USP49: variants seen among roughly 807,000 people sequenced by gnomAD.
USP49 encodes the protein ubiquitin carboxyl-terminal hydrolase 49.
In USP49, 24 loss-of-function variants were observed where a neutral mutation model predicts 58.6. The ratio of observed to expected loss-of-function variants is 0.41; its 90% CI spans 0.30 to 0.58. The LOEUF (loss-of-function observed/expected upper bound fraction) is 0.58, where lower values mean the gene tolerates loss of function less well. USP49 is among the 20% of genes least tolerant of loss of function. USP49 has a pLI of 0.30. For synonymous variants in USP49, 408 were observed against 365.1 expected, an observed-to-expected ratio of 1.12 and a Z score of -1.34; for missense variants, 703 against 866.1, an observed-to-expected ratio of 0.81 and a Z score of 2.36.
intron 3 of USP49, among the ~76,000 whole-genome samples, chr6:41,867,328 AAG>A (rs1774335544): frequency 6.6e-6 from 1 of 152,238 alleles, no homozygotes; most frequent in Non-Finnish European, 1.5e-5. Context: ...AACAGGATGA[AAG>A]AGCAATTTCC....
intron 2 of USP49, among the ~76,000 whole-genome samples, chr6:41,887,676 C>A (rs1180392425): frequency 6.6e-6 from 1 of 152,216 alleles, no homozygotes; most frequent in South Asian, 2.1e-4. Context: ...TAACCAACAT[C>A]TGCCCCCAAT....
intron 3 of USP49, among the ~76,000 whole-genome samples, chr6:41,860,480 A>G (rs1337727462): frequency 6.6e-6 from 1 of 152,096 alleles, no homozygotes; most frequent in Non-Finnish European, 1.5e-5. Flanking sequence ...ATGCTTGAAA[A>G]TTATTGTAGT....
chr6:41,891,847 C>T lies in USP49; in HGVS notation c.-156G>A, dbSNP rs1362591433. ...GGAGTTGCAGGATAAACTAGAGGTC[C>T]TTTCAAGGTCTCTTCCCATCCAAAG... On this transcript the variant is annotated 5_prime_UTR_variant, in exon 2 of 8. Coordinates refer to ENST00000682992, the MANE Select transcript of USP49 (RefSeq NM_001286554.2). 1 of 152,136 alleles carries T rather than the reference C, an allele frequency of 6.6e-6. No individual in the cohort carries two copies. Among genetic ancestry groups the T allele is most frequent in the Admixed American group, 6.5e-5 (1 of 15,268 alleles). The allele number at this position is 152,136 out of a possible 1,614,324, so 9.4% of individuals were successfully genotyped here.
chr6:41,812,464 C>T (rs547541564), intron 3 of USP49, among the ~76,000 whole-genome samples: 1 of 151,334 alleles, frequency 6.6e-6, no homozygotes, highest in Admixed American at 6.6e-5. Flanking sequence ...GAGGCCGAGA[C>T]GGGCGGATCA....
chr6:41,865,700 G>C (rs1203435174), intron 3 of USP49, among the ~76,000 whole-genome samples: 1 of 151,590 alleles, frequency 6.6e-6, no homozygotes, highest in East Asian at 1.9e-4. Context: ...ATGCAGTGAT[G>C]TGATTATAGC....
intron 3 of USP49, among the ~76,000 whole-genome samples, chr6:41,859,705 A>G (rs528090468): frequency 6.6e-6 from 1 of 152,346 alleles, no homozygotes; most frequent in South Asian, 2.1e-4. Flanking sequence ...TTCTTTTTAC[A>G]TACAGAGGTG....
chr6:41,866,067 G>A lies in USP49; in HGVS notation c.-29+5497C>T, dbSNP rs552250036. 9.3e-5 allele frequency among the ~76,000 whole-genome samples: 14 copies of A among 151,206 alleles called. No individual in the cohort carries two copies. In the South Asian group the frequency reaches 1.3e-3, roughly 14 times the overall value. ...CTCCCAAGTAGCTGGGACTACAGGCGCCCACCACCACGTCCCACCAATTTT... is the reference window on the plus strand; with the variant it reads ...CTCCCAAGTAGCTGGGACTACAGGCACCCACCACCACGTCCCACCAATTTT... On this transcript the variant is annotated intron_variant, in intron 3 of 7. Coordinates refer to ENST00000682992, the MANE Select transcript of USP49 (RefSeq NM_001286554.2).
At chr6:41,802,448 A>ATTTTTTTTTTTTTTT (rs1363216201) in intron 5 of USP49, among the ~76,000 whole-genome samples, 3 of 53,336 alleles carry the variant, frequency 5.6e-5, no homozygotes, top group African/African-American at 7.4e-5. Context: ...TTATTTATTT[A>ATTTTTTTTTTTTTTT]TTTATTTATT....
intron 3 of USP49, among the ~76,000 whole-genome samples, chr6:41,860,549 C>T (rs1774202162): frequency 6.6e-6 from 1 of 152,000 alleles, no homozygotes; most frequent in Non-Finnish European, 1.5e-5. Context: ...TGCTCTGTTG[C>T]CAGGCTGGAG....
intron 1 of USP49, chr6:41,894,446 T>G (rs1037706855): frequency 2.0e-5 from 3 of 152,162 alleles, no homozygotes; most frequent in African/African-American, 7.3e-5. Flanking sequence ...CCTCCCTCAC[T>G]TTACAGAATT....
chr6:41,815,923 TTTC>T (rs985416323), intron 3 of USP49, among the ~76,000 whole-genome samples: 21 of 152,224 alleles, frequency 1.4e-4, no homozygotes, highest in African/African-American at 5.1e-4. Flanking sequence ...TAGGATCTGC[TTTC>T]TTCAATGAAA....
chr6:41,877,162 T>A (rs1023397027), intron 2 of USP49, among the ~76,000 whole-genome samples: 3 of 152,266 alleles, frequency 2.0e-5, no homozygotes, highest in Non-Finnish European at 2.9e-5. Flanking sequence ...TGTCCATTTA[T>A]GACTCTCAAT....
chr6:41,798,556 G>A lies in USP49; in HGVS notation c.1876+168C>T. 2.6e-6 allele frequency: 4 copies of A among 1,528,672 alleles called. No individual in the cohort carries two copies. In the South Asian group the frequency reaches 3.9e-5, roughly 15 times the overall value. The allele number at this position is 1,528,672 out of a possible 1,614,324, so 94.7% of individuals were successfully genotyped here. On this transcript the variant is annotated intron_variant, in intron 7 of 7. Coordinates refer to ENST00000682992, the MANE Select transcript of USP49 (RefSeq NM_001286554.2). ...CTCCCAAAGCGCTAGGATTACAGGTGTGAGCCACGGCGCCCAACCCAATTT... is the reference window on the plus strand; with the variant it reads ...CTCCCAAAGCGCTAGGATTACAGGTATGAGCCACGGCGCCCAACCCAATTT...
intron 3 of USP49, among the ~76,000 whole-genome samples, chr6:41,843,305 A>T (rs1435365493): frequency 2.6e-5 from 4 of 152,244 alleles, no homozygotes; most frequent in Non-Finnish European, 5.9e-5. Flanking sequence ...TACTAAAAGT[A>T]TAAATTAAAT....
intron 3 of USP49, among the ~76,000 whole-genome samples, chr6:41,826,398 T>C (rs1321364067): frequency 2.6e-5 from 4 of 152,178 alleles, no homozygotes; most frequent in African/African-American, 7.2e-5. Context: ...GACCAAACAA[T>C]AGATCTCTAA....
chr6:41,846,274 G>A (rs557678849), intron 3 of USP49, among the ~76,000 whole-genome samples: 35 of 152,142 alleles, frequency 2.3e-4, no homozygotes, highest in South Asian at 1.2e-3. Flanking sequence ...CCAAGATCGC[G>A]CCACTGCACT....
rs1313741545 is a variant in USP49, at chr6:41,806,268, G to C, written c.716C>G (p.Thr239Arg). 2 of 1,605,046 alleles carry C rather than the reference G, an allele frequency of 1.2e-6. No individual in the cohort carries two copies. The highest frequency in any genetic ancestry group is 1.7e-6 in the Non-Finnish European group (2 of 1,179,570). Residue 239 changes from threonine to arginine, a missense_variant, in exon 4 of 8, where the codon ACA becomes AGA. This residue lies in a region of USP49 where 376 missense variants were observed against 373.5 expected (regional missense o/e 1.01). Coordinates refer to ENST00000682992, the MANE Select transcript of USP49 (RefSeq NM_001286554.2). This position sits in a 1 kb window ranked among gnomAD's most constrained non-coding sequence, Gnocchi z 5.9. ...GGCCGGCTGGCGACGCAGCTTGAGT[G>C]TGGCGGCGGGCACTCTGCGTGAGGT... ...LPTSRRVPAATLKLRRQPAMA... is the reference protein window; with the variant it reads ...LPTSRRVPAARLKLRRQPAMA...
chr6:41,887,675 T>A (rs964721944), intron 2 of USP49, among the ~76,000 whole-genome samples: 1 of 152,228 alleles, frequency 6.6e-6, no homozygotes, highest in South Asian at 2.1e-4. Flanking sequence ...CTAACCAACA[T>A]CTGCCCCCAA....
At chr6:41,855,309 G>A (rs1199156829) in intron 3 of USP49, among the ~76,000 whole-genome samples, 1 of 151,700 alleles carries the variant, frequency 6.6e-6, no homozygotes, top group Non-Finnish European at 1.5e-5. Flanking sequence ...GAGGTCAGGA[G>A]TTCAAGGCCT....
Sources: allele counts gnomAD v4.1 joint callset (sites outside exome capture counted in the v4.1 genomes callset), GRCh38; gene constraint gnomAD v4.1.1; regional missense constraint gnomAD v4.1.1; non-coding constraint Gnocchi (gnomAD v3.1); transcripts MANE v1.5; gene names NCBI Gene and HGNC (gene_info 2026-07-23, HGNC 2026-07-21).